The following SIPA1L1 variants were observed in gnomAD, a reference collection of about 807,000 sequenced individuals.
The protein encoded by SIPA1L1 is signal induced proliferation associated 1 like 1, also known as signal-induced proliferation-associated 1-like protein 1.
A neutral mutation model predicts 162.7 loss-of-function variants in SIPA1L1; 26 were observed. The observed-to-expected ratio is 0.16, with a 90% CI of 0.12 to 0.22. The LOEUF is 0.22. SIPA1L1 is among the 10% of genes least tolerant of loss of function. The probability of loss-of-function intolerance (pLI) is 1.00; values close to 1 mark genes in which losing one functional copy is unlikely to be tolerated. For missense variants in SIPA1L1, 1,874 were observed against 2,241.0 expected (o/e 0.84, Z 3.31); for synonymous variants, 829 against 837.4 (o/e 0.99, Z 0.17).
At chr14:71,522,595 C>T (rs983205973) in intron 3 of SIPA1L1, among the ~76,000 whole-genome samples, 1 of 152,106 alleles carries the variant, frequency 6.6e-6, no homozygotes, top group African/African-American at 2.4e-5. Flanking sequence ...TGGACCATTT[C>T]GGATTTCAGA....
intron 2 of SIPA1L1, among the ~76,000 whole-genome samples, chr14:71,378,651 T>TA (rs1394091509): frequency 6.6e-6 from 1 of 152,196 alleles, no homozygotes; most frequent in Non-Finnish European, 1.5e-5. Context: ...ATTAGGTTGA[T>TA]AGTGTTTTTC....
intron 9 of SIPA1L1, among the ~76,000 whole-genome samples, chr14:71,660,768 G>A (rs149836610): frequency 1.4e-3 from 210 of 152,270 alleles, no homozygotes; most frequent in Non-Finnish European, 2.5e-3. Context: ...TTTCATTGCA[G>A]TTAAAGAAGC....
intron 2 of SIPA1L1, among the ~76,000 whole-genome samples, chr14:71,503,302 G>T (rs1251021160): frequency 6.6e-6 from 1 of 152,284 alleles, no homozygotes; most frequent in South Asian, 2.1e-4. Flanking sequence ...TTGTTTTGAT[G>T]CTGAACCCAT....
chr14:71,342,343 A>G (rs558292408), intron 2 of SIPA1L1, among the ~76,000 whole-genome samples: 5 of 152,268 alleles, frequency 3.3e-5, no homozygotes, highest in Admixed American at 2.0e-4. Context: ...GTATATACCT[A>G]GTAGTGGGAT....
intron 9 of SIPA1L1, among the ~76,000 whole-genome samples, chr14:71,659,392 A>G (rs2045416198): frequency 6.6e-6 from 1 of 152,338 alleles, no homozygotes; most frequent in South Asian, 2.1e-4. Flanking sequence ...TAGGTAACAA[A>G]GTTTTGCCTT....
At chr14:71,327,188 T>C (rs1026659019) in intron 2 of SIPA1L1, among the ~76,000 whole-genome samples, 2 of 151,448 alleles carry the variant, frequency 1.3e-5, no homozygotes, top group Non-Finnish European at 2.9e-5. Flanking sequence ...GTTCAAGCGA[T>C]TCTCCTGCAA....
intron 1 of SIPA1L1, 73 bp from the exon 2 acceptor site, chr14:71,321,049 C>T (rs1236577026): frequency 1.3e-5 from 2 of 152,132 alleles, no homozygotes; most frequent in African/African-American, 2.4e-5. Flanking sequence ...TCGGGCCGGC[C>T]TCGCCGCTCT....
chr14:71,635,186 A>G (rs2041011387), intron 7 of SIPA1L1, among the ~76,000 whole-genome samples: 1 of 151,420 alleles, frequency 6.6e-6, no homozygotes, highest in African/African-American at 2.4e-5. Context: ...GGCTGAGGCA[A>G]GATAATCACT....
intron 5 of SIPA1L1, among the ~76,000 whole-genome samples, chr14:71,595,844 A>G (rs961217850): frequency 2.6e-5 from 4 of 152,140 alleles, no homozygotes; most frequent in Admixed American, 2.6e-4. Flanking sequence ...TCTCTAGTCT[A>G]CCTTCAAATT....
chr14:71,700,596 G>T (rs528056015), intron 14 of SIPA1L1, among the ~76,000 whole-genome samples: 38 of 152,140 alleles, frequency 2.5e-4, no homozygotes, highest in Non-Finnish European at 5.1e-4. Context: ...TTTTATTTTT[G>T]ATAAGTGCTA....
chr14:71,573,649 A>C (rs1157292083), intron 4 of SIPA1L1: 1 of 456,756 alleles, frequency 2.2e-6, no homozygotes, highest in Admixed American at 2.3e-5. Context: ...ATGCATTTCC[A>C]AATGTCGAAA....
At chr14:71,602,118 TG>T (rs1397276388) in intron 5 of SIPA1L1, among the ~76,000 whole-genome samples, 2 of 152,178 alleles carry the variant, frequency 1.3e-5, no homozygotes, top group Non-Finnish European at 2.9e-5. Context: ...GGATTTGGTT[TG>T]TTCTTACTCT....
chr14:71,573,225 G>A (rs189495324), intron 4 of SIPA1L1, among the ~76,000 whole-genome samples: 265 of 152,218 alleles, frequency 1.7e-3, no homozygotes, highest in African/African-American at 5.7e-3. Context: ...AAACATAAAC[G>A]AATTAAAAAT....
chr14:71,590,925 A>G (rs957121507), intron 5 of SIPA1L1, among the ~76,000 whole-genome samples: 3 of 152,004 alleles, frequency 2.0e-5, no homozygotes, highest in East Asian at 1.9e-4. Flanking sequence ...TCCTCCCTCT[A>G]GTTGTGACAG....
At chr14:71,554,353 C>T (rs1347427036) in intron 4 of SIPA1L1, among the ~76,000 whole-genome samples, 2 of 122,368 alleles carry the variant, frequency 1.6e-5, no homozygotes, top group Non-Finnish European at 3.5e-5. Context: ...ACCTTAAAAT[C>T]GTGCAACTTA....
intron 5 of SIPA1L1, among the ~76,000 whole-genome samples, chr14:71,602,686 A>G (rs957521465): frequency 4.6e-5 from 7 of 152,236 alleles, no homozygotes; most frequent in African/African-American, 1.4e-4. Context: ...GGAGTCCCCA[A>G]CCACTGGTCT....
intron 6 of SIPA1L1, among the ~76,000 whole-genome samples, chr14:71,622,171 G>A (rs868850420): frequency 3.3e-5 from 5 of 152,198 alleles, no homozygotes; most frequent in Non-Finnish European, 7.4e-5. Flanking sequence ...TTCAGTAAGC[G>A]GCAGCAAGAT....
At chr14:71,629,629 A>T (rs1166725958) in intron 7 of SIPA1L1, among the ~76,000 whole-genome samples, 1 of 152,206 alleles carries the variant, frequency 6.6e-6, no homozygotes, top group East Asian at 1.9e-4. Flanking sequence ...AGTAGAGAAA[A>T]TTGGTAGTTC....
chr14:71,647,035 A>G lies in SIPA1L1; in HGVS notation c.1819-3300A>G, dbSNP rs187839357. ...CTTAACTTCTGCTTGTCAACATCTC[A>G]TTCTATCTGGGAGCATGGCTGCTAA... On this transcript the variant is annotated intron_variant, in intron 7 of 23. Transcript: ENST00000381232. 1.4e-3 allele frequency among the ~76,000 whole-genome samples: 218 copies of G among 152,154 alleles called. 1 individual carries two copies. Among genetic ancestry groups the G allele is most frequent in the African/African-American group, 4.8e-3 (198 of 41,492 alleles).
Sources: allele counts gnomAD v4.1 joint callset (sites outside exome capture counted in the v4.1 genomes callset), GRCh38; gene constraint gnomAD v4.1.1; transcripts MANE v1.5; gene names NCBI Gene and HGNC (gene_info 2026-07-23, HGNC 2026-07-21).